Variants in MYO3A observed in about 807,000 individuals in gnomAD.
The protein encoded by MYO3A is myosin IIIA.
Under a neutral mutation model 192.7 loss-of-function variants are expected in MYO3A, and 180 were observed. The observed-to-expected ratio is 0.93, with a 90% CI of 0.83 to 1.06. The LOEUF (loss-of-function observed/expected upper bound fraction) is 1.06. Ranked by LOEUF, MYO3A falls within the 50% of genes least tolerant of loss-of-function variation. The pLI, the probability that MYO3A is intolerant of heterozygous loss-of-function variation, is 0.00. For missense variants in MYO3A, 1,896 were observed against 1,905.0 expected (o/e 1.00, Z 0.09); for synonymous variants, 628 against 645.3 (o/e 0.97, Z 0.41).
intron 10 of MYO3A, among the ~76,000 whole-genome samples, chr10:26,044,279 A>G (rs541234548): frequency 6.6e-6 from 1 of 152,232 alleles, no homozygotes; most frequent in Non-Finnish European, 1.5e-5. Context: ...GCAGCCTGTC[A>G]TTGGAGAAGG....
At chr10:26,120,117 T>C (rs376143919) in intron 17 of MYO3A, among the ~76,000 whole-genome samples, 3 of 151,930 alleles carry the variant, frequency 2.0e-5, no homozygotes, top group African/African-American at 4.8e-5. Flanking sequence ...TGAGCTGAGA[T>C]AGTGCCACTG....
chr10:26,186,266 CTTT>C (rs35154545), intron 31 of MYO3A, among the ~76,000 whole-genome samples: 10 of 129,710 alleles, frequency 7.7e-5, no homozygotes, highest in African/African-American at 8.6e-5. Flanking sequence ...TGATATCCTT[CTTT>C]TTTTTTTTTT....
At chr10:26,163,127 G>A (rs1841561602) in intron 26 of MYO3A, among the ~76,000 whole-genome samples, 1 of 152,232 alleles carries the variant, frequency 6.6e-6, no homozygotes, top group Non-Finnish European at 1.5e-5. Flanking sequence ...GGCAGATAGG[G>A]ATATAGGAGG....
At chr10:26,146,622 G>A (rs905351886) in intron 22 of MYO3A, among the ~76,000 whole-genome samples, 2 of 152,054 alleles carry the variant, frequency 1.3e-5, no homozygotes, top group African/African-American at 4.8e-5. Flanking sequence ...AAGAACACAA[G>A]TCTTATTGGT....
intron 6 of MYO3A, among the ~76,000 whole-genome samples, chr10:26,007,967 A>G (rs1841348814): frequency 6.6e-6 from 1 of 151,750 alleles, no homozygotes. Context: ...GCATCACACT[A>G]CCTGACTTCA....
intron 34 of MYO3A, among the ~76,000 whole-genome samples, chr10:26,211,072 G>A (rs1334199925): frequency 1.3e-5 from 2 of 152,148 alleles, no homozygotes; most frequent in Non-Finnish European, 2.9e-5. Context: ...CAAGTTGTCT[G>A]TGGGTCTCCT....
At position 26,088,333 on chromosome 10, in the gene MYO3A, C is replaced by T. The variant is rs767997893; in HGVS notation, c.1490C>T (p.Ser497Phe). The change falls in exon 15 of 35, where the codon TCT becomes TTT. Residue 497 changes from serine (S) to phenylalanine (F), a missense_variant. Transcript: ENST00000642920. ...AAATACTTAGAAATGAAATTCACCT[C>T]TTCTGGAGCGGTAGTGGGAGCACAG... ...FGKYLEMKFTSSGAVVGAQIS... is the reference protein window; with the variant it reads ...FGKYLEMKFTFSGAVVGAQIS... 14 of 1,613,952 alleles carry T rather than the reference C, an allele frequency of 8.7e-6. No homozygotes were observed. The South Asian group carries it at 1.5e-4, about 18-fold the overall frequency.
intron 2 of MYO3A, among the ~76,000 whole-genome samples, chr10:25,940,220 T>C (rs1213173518): frequency 6.6e-6 from 1 of 152,094 alleles, no homozygotes; most frequent in African/African-American, 2.4e-5. Context: ...TTTCATGCTG[T>C]CTATTTCTAC....
intron 17 of MYO3A, among the ~76,000 whole-genome samples, chr10:26,098,127 T>C (rs1049490643): frequency 6.6e-6 from 1 of 152,226 alleles, no homozygotes; most frequent in Non-Finnish European, 1.5e-5. Flanking sequence ...TGTGAGATGG[T>C]ATCTCATTGT....
At chr10:26,043,321 T>C (rs548248896) in intron 10 of MYO3A, among the ~76,000 whole-genome samples, 66 of 151,750 alleles carry the variant, frequency 4.3e-4, no homozygotes, top group Middle Eastern at 3.4e-3. Context: ...GGCTACTGCC[T>C]ATGTTTGCTC....
chr10:26,180,412 C>A (rs1383099737), intron 31 of MYO3A, among the ~76,000 whole-genome samples: 1 of 151,856 alleles, frequency 6.6e-6, no homozygotes, highest in Non-Finnish European at 1.5e-5. Flanking sequence ...TCATAATTAA[C>A]TATAAAACAC....
At chr10:26,203,290 C>T (rs1051463387) in intron 34 of MYO3A, among the ~76,000 whole-genome samples, 183 bp downstream of exon 34, 5 of 151,982 alleles carry the variant, frequency 3.3e-5, no homozygotes, top group African/African-American at 1.2e-4. Context: ...AATCAGATAC[C>T]TCAGTTTTCC....
At position 25,954,985 on chromosome 10, in the gene MYO3A, G is replaced by A; in HGVS notation, c.280G>A (p.Asp94Asn). Residue 94 changes from aspartate (D) to asparagine (N), a missense_variant, in exon 4 of 35, where the codon GAC (aspartate) becomes AAC (asparagine). By Grantham distance (23) the Asp-to-Asn change is conservative. Transcript: ENST00000642920. Reference protein sequence around the residue: ...IYFKKDKVNGDKLWLVLELCS... With the variant: ...IYFKKDKVNGNKLWLVLELCS... ...CTTTAAGAAGGATAAAGTAAATGGA[G>A]ACAAGCTGTGGTTGGTTCTTGAGGT... The A allele has an allele frequency of 7.4e-6, 12 of 1,613,044 alleles. No homozygotes were observed. Among genetic ancestry groups the A allele is most frequent in the Non-Finnish European group, 8.5e-6 (10 of 1,179,262 alleles).
rs868068565 is a variant in MYO3A, at chr10:26,205,614, T to C, written c.4730+2507T>C. ...GCAGGATTTCTTTTCTTTTCTTTTT[T>C]TTTTTTTTTTTTTTTTTTTTGAGAC... On this transcript the variant is annotated intron_variant, in intron 34 of 34. Coordinates refer to ENST00000642920, the MANE Select transcript of MYO3A (RefSeq NM_017433.5). Among the ~76,000 whole-genome samples the C allele has an allele frequency of 3.8e-3, 462 of 122,508 alleles. 3 individuals carry two copies. Among genetic ancestry groups the C allele is most frequent in the African/African-American group, 0.014 (445 of 30,792 alleles). 80.4% of individuals were successfully genotyped at this position (122,508 alleles called of 152,430 possible). A position where few individuals can be genotyped will look rare whatever the true frequency, so the allele number is the denominator to read the frequency against.
intron 31 of MYO3A, among the ~76,000 whole-genome samples, chr10:26,177,510 C>T (rs1359723850): frequency 6.6e-6 from 1 of 152,190 alleles, no homozygotes; most frequent in African/African-American, 2.4e-5. Flanking sequence ...CTCCCACACC[C>T]TGCAGGTGGC....
At chr10:26,118,299 G>C (rs1000595971) in intron 17 of MYO3A, among the ~76,000 whole-genome samples, 9 of 151,942 alleles carry the variant, frequency 5.9e-5, no homozygotes, top group African/African-American at 1.7e-4. Flanking sequence ...TTCCTTCATT[G>C]CAAGTTATAC....
At chr10:25,974,120 A>G (rs954475479) in intron 4 of MYO3A, among the ~76,000 whole-genome samples, 1 of 152,202 alleles carries the variant, frequency 6.6e-6, no homozygotes, top group African/African-American at 2.4e-5. Flanking sequence ...GAGCTTCTGT[A>G]CAGCAAAAGA....
At chr10:26,145,330 C>A in intron 21 of MYO3A, 116 bp from the exon 22 acceptor site, 2 of 705,438 alleles carry the variant, frequency 2.8e-6, no homozygotes, top group Admixed American at 2.2e-5. Context: ...CATATATTAG[C>A]TATGTAAAAT....
intron 2 of MYO3A, among the ~76,000 whole-genome samples, chr10:25,943,814 G>T (rs1368542761): frequency 6.9e-6 from 1 of 145,128 alleles, no homozygotes; most frequent in Admixed American, 6.9e-5. Flanking sequence ...GATTCTTTAG[G>T]ATTTGGTACA....
Sources: allele counts gnomAD v4.1 joint callset (sites outside exome capture counted in the v4.1 genomes callset), GRCh38; gene constraint gnomAD v4.1.1; transcripts MANE v1.5; gene names NCBI Gene and HGNC (gene_info 2026-07-23, HGNC 2026-07-21).